PRKX: variants seen among roughly 807,000 people sequenced by gnomAD.
PRKX encodes protein kinase cAMP-dependent X-linked catalytic subunit.
In PRKX, 12 loss-of-function variants were observed where a neutral mutation model predicts 22.0. The ratio of observed to expected loss-of-function variants is 0.54; its 90% CI spans 0.35 to 0.88. The LOEUF is 0.88. Ranked by LOEUF, PRKX falls within the 40% of genes least tolerant of loss-of-function variation. The probability of loss-of-function intolerance (pLI) is 0.01; values close to 1 mark genes in which losing one functional copy is unlikely to be tolerated. For synonymous variants in PRKX, 134 were observed against 137.7 expected, an observed-to-expected ratio of 0.97 and a Z score of 0.19; for missense variants, 217 against 308.0, an observed-to-expected ratio of 0.70 and a Z score of 2.21.
intron 4 of PRKX, among the ~76,000 whole-genome samples, chrX:3,635,194 G>A (rs946787659): frequency 1.8e-5 from 2 of 111,942 alleles, no homozygotes; most frequent in African/African-American, 6.5e-5. Flanking sequence ...TGAAAGTTCT[G>A]TGGGTTGTTA....
chrX:3,689,773 C>T (rs193291270), intron 1 of PRKX, among the ~76,000 whole-genome samples: 1,803 of 111,584 alleles, frequency 0.016, 19 homozygotes, highest in Middle Eastern at 0.028. Flanking sequence ...GTCAGGAGAT[C>T]GAGACCATCC....
chrX:3,694,417 AAATT>A (rs903015856), intron 1 of PRKX, among the ~76,000 whole-genome samples: 7 of 110,427 alleles, frequency 6.3e-5, no homozygotes, highest in African/African-American at 2.3e-4. Context: ...ATAAATAAAT[AAATT>A]ATTTAAAAAA....
At chrX:3,707,480 C>T (rs1169744432) in intron 1 of PRKX, among the ~76,000 whole-genome samples, 4 of 111,127 alleles carry the variant, frequency 3.6e-5, no homozygotes, top group African/African-American at 1.3e-4. Flanking sequence ...GGCTCCAACA[C>T]ACAGAGGTCC....
At chrX:3,707,091 G>A (rs1462745171) in intron 1 of PRKX, among the ~76,000 whole-genome samples, 1 of 111,422 alleles carries the variant, frequency 9.0e-6, no homozygotes, top group African/African-American at 3.3e-5. Context: ...TTGCACCACG[G>A]CACCCCAGCC....
At chrX:3,671,669 G>A (rs949818933) in intron 2 of PRKX, among the ~76,000 whole-genome samples, 61 of 111,357 alleles carry the variant, frequency 5.5e-4, no homozygotes, top group African/African-American at 1.8e-3. Flanking sequence ...AAGCTGTCAC[G>A]GTGCAGAGAA....
At chrX:3,637,212 C>T (rs1459170212) in intron 4 of PRKX, among the ~76,000 whole-genome samples, 4 of 110,446 alleles carry the variant, frequency 3.6e-5, no homozygotes, top group Non-Finnish European at 7.6e-5. Flanking sequence ...CTTCCTGGCA[C>T]GTTTAAAAAG....
intron 4 of PRKX, among the ~76,000 whole-genome samples, chrX:3,634,403 T>C (rs1341930161): frequency 9.2e-6 from 1 of 108,409 alleles, no homozygotes; most frequent in South Asian, 4.1e-4. Flanking sequence ...TGGGGCAGAG[T>C]AGAGGGTGAA....
At chrX:3,610,660 G>C (rs1274893881) in intron 8 of PRKX, among the ~76,000 whole-genome samples, 1 of 110,544 alleles carries the variant, frequency 9.0e-6, no homozygotes, top group Non-Finnish European at 1.9e-5. Flanking sequence ...GGCAGCTGGG[G>C]ACAGGATGTA....
At chrX:3,689,079 G>T (rs1928242945) in intron 1 of PRKX, among the ~76,000 whole-genome samples, 1 of 112,091 alleles carries the variant, frequency 8.9e-6, no homozygotes, top group Non-Finnish European at 1.9e-5. Context: ...TATAGAAATA[G>T]TTCATCAACA....
chrX:3,676,048 G>T (rs1172970183), intron 1 of PRKX, among the ~76,000 whole-genome samples: 1 of 111,567 alleles, frequency 9.0e-6, no homozygotes, highest in Non-Finnish European at 1.9e-5. Context: ...ACTGATGCAG[G>T]ATTTCTAGAG....
Position 3,629,937 on chromosome X carries a change from T to G in PRKX, c.720-3423A>C, listed in dbSNP as rs1386746126. Reference sequence around the variant, plus strand: ...GTCTGCAAAGCTGACCGAAGCTCTTTGCCCCAAGAAAACCATTTCTTGACC... The same window carrying G: ...GTCTGCAAAGCTGACCGAAGCTCTTGGCCCCAAGAAAACCATTTCTTGACC... On this transcript the variant is annotated intron_variant, in intron 4 of 8. Transcript: ENST00000262848. 2.7e-5 allele frequency among the ~76,000 whole-genome samples: 3 copies of G among 112,067 alleles called. No individual in the cohort carries two copies. The East Asian group carries it at 8.5e-4, about 32-fold the overall frequency.
At chrX:3,681,870 G>C (rs6641603) in intron 1 of PRKX, among the ~76,000 whole-genome samples, 17,883 of 109,330 alleles carry the variant, frequency 0.16, 1,323 homozygotes, top group East Asian at 0.39. Flanking sequence ...CCAGCAGAGA[G>C]AGAAGCAAAG....
chrX:3,688,348 A>T (rs1928222992), intron 1 of PRKX, among the ~76,000 whole-genome samples: 1 of 102,989 alleles, frequency 9.7e-6, no homozygotes, highest in African/African-American at 3.4e-5. Context: ...CAGGAGGCTG[A>T]GGCAGGAGAA....
intron 2 of PRKX, among the ~76,000 whole-genome samples, chrX:3,666,641 T>C (rs1927736015): frequency 9.0e-6 from 1 of 111,001 alleles, no homozygotes; most frequent in African/African-American, 3.3e-5. Flanking sequence ...CATGGTGGCA[T>C]GTGCCTATAG....
intron 1 of PRKX, among the ~76,000 whole-genome samples, chrX:3,678,564 T>C (rs1842309478): frequency 8.9e-6 from 1 of 112,362 alleles, no homozygotes; most frequent in African/African-American, 3.2e-5. Context: ...CAAAACACGT[T>C]ACTTATGCAC....
chrX:3,670,590 G>A (rs901123455), intron 2 of PRKX, among the ~76,000 whole-genome samples: 24 of 111,290 alleles, frequency 2.2e-4, no homozygotes, highest in African/African-American at 7.5e-4. Context: ...CTGTCCCCCA[G>A]GCTGGAGTGC....
At chrX:3,628,553 A>T (rs1191031293) in intron 4 of PRKX, among the ~76,000 whole-genome samples, 1 of 111,203 alleles carries the variant, frequency 9.0e-6, no homozygotes, top group Non-Finnish European at 1.9e-5. Context: ...AAGCCTGGGA[A>T]ATATGGCAAA....
At chrX:3,638,060 C>T (rs1231689372) in intron 4 of PRKX, among the ~76,000 whole-genome samples, 3 of 110,648 alleles carry the variant, frequency 2.7e-5, no homozygotes, top group Admixed American at 9.7e-5. Flanking sequence ...TGGTGCCTGG[C>T]CTAATTATTC....
chrX:3,633,454 C>G (rs1926827958), intron 4 of PRKX, among the ~76,000 whole-genome samples: 1 of 108,417 alleles, frequency 9.2e-6, no homozygotes, highest in African/African-American at 3.4e-5. Flanking sequence ...ATCCCAGCTA[C>G]TCAAGAGGCG....
Sources: allele counts gnomAD v4.1 joint callset (sites outside exome capture counted in the v4.1 genomes callset), GRCh38; gene constraint gnomAD v4.1.1; transcripts MANE v1.5; gene names NCBI Gene and HGNC (gene_info 2026-07-23, HGNC 2026-07-21).